The following FLRT2 variants were observed in gnomAD, a reference collection of about 807,000 sequenced individuals.
FLRT2 encodes the protein fibronectin leucine rich transmembrane protein 2.
FLRT2 carries 15 observed loss-of-function variants against 40.0 expected under a neutral mutation model. The observed-to-expected ratio is 0.38, with a 90% CI of 0.25 to 0.58. FLRT2 has a LOEUF of 0.58. Among genes scored for constraint, FLRT2 ranks in the 20% least tolerant of loss-of-function variants. FLRT2 has a pLI of 0.71. For missense variants in FLRT2, 726 were observed against 840.0 expected, an observed-to-expected ratio of 0.86 and a Z score of 1.68; for synonymous variants, 380 against 336.8, an observed-to-expected ratio of 1.13 and a Z score of -1.41.
Position 85,623,151 on chromosome 14 carries a change from T to C in FLRT2, c.1637T>C (p.Leu546Ser), listed in dbSNP as rs1893503186. Residue 546 changes from leucine (L) to serine (S), a missense_variant, in exon 2 of 2, where the codon TTG becomes TCG. Physicochemically the swap from Leu to Ser is moderately radical, Grantham distance 145. Coordinates refer to ENST00000330753, the MANE Select transcript of FLRT2 (RefSeq NM_013231.6). ...SMGSPFLLAG[L>S]IGGAVIFVLV... is the part of the protein sequence containing the mutation. ...GGCTCCCCCTTTCTGCTGGCGGGCT[T>C]GATCGGGGGCGCGGTGATATTTGTG... 1.3e-6 allele frequency: 2 copies of C among 1,593,256 alleles called. No individual in the cohort carries two copies. Among genetic ancestry groups the C allele is most frequent in the East Asian group, 2.2e-5 (1 of 44,626 alleles).
chr14:85,649,612 A>G lies in FLRT2; in HGVS notation c.*26115A>G, dbSNP rs1339169040. On this transcript the variant is annotated 3_prime_UTR_variant, in exon 2 of 2. Transcript: ENST00000330753. ...GAATCAAAACCAGAATGTTGTTTTG[A>G]TCATACTGGTTTTAGGCAAAGGATT... The G allele has an allele frequency of 6.6e-6, 1 of 152,046 alleles. No individual in the cohort carries two copies. The highest frequency in any genetic ancestry group is 2.4e-5 in the African/African-American group (1 of 41,430). The allele number at this position is 152,046 out of a possible 1,614,324, so 9.4% of individuals were successfully genotyped here.
At position 85,637,422 on chromosome 14, in the gene FLRT2, G is replaced by T. The variant is rs961946862; in HGVS notation, c.*13925G>T. ...TGTTTGGTTTCATATTTTTTAAAAG[G>T]TATAACAAAAACACCTACCACAGTG... On this transcript the variant is annotated 3_prime_UTR_variant, in exon 2 of 2. Coordinates refer to ENST00000330753, the MANE Select transcript of FLRT2 (RefSeq NM_013231.6). 2 of 152,122 alleles carry T rather than the reference G, an allele frequency of 1.3e-5. No individual in the cohort carries two copies. Among genetic ancestry groups the T allele is most frequent in the Non-Finnish European group, 2.9e-5 (2 of 68,012 alleles). 9.4% of individuals were successfully genotyped at this position (152,122 alleles called of 1,614,324 possible).
chr14:85,602,446 G>T (rs150881926), intron 1 of FLRT2, among the ~76,000 whole-genome samples: 1 of 152,144 alleles, frequency 6.6e-6, no homozygotes, highest in African/African-American at 2.4e-5. Flanking sequence ...ATTAAAGCAC[G>T]CTGGAGCTCA....
chr14:85,592,256 C>T (rs1374937946), intron 1 of FLRT2, among the ~76,000 whole-genome samples: 2 of 151,952 alleles, frequency 1.3e-5, no homozygotes, highest in African/African-American at 4.8e-5. Context: ...GTGGTAGCTC[C>T]CCTTTCTTCT....
intron 1 of FLRT2, among the ~76,000 whole-genome samples, chr14:85,569,590 C>T (rs192792484): frequency 6.2e-4 from 94 of 152,306 alleles, no homozygotes; most frequent in Middle Eastern, 3.4e-3. Context: ...CTTTAGAGTT[C>T]TCATAAAGTC....
Position 85,621,763 on chromosome 14 carries a change from A to C in FLRT2, c.249A>C (p.Glu83Asp). 1 of 1,614,218 alleles carries C rather than the reference A, an allele frequency of 6.2e-7. No individual in the cohort carries two copies. Among genetic ancestry groups the C allele is most frequent in the Non-Finnish European group, 8.5e-7 (1 of 1,180,036 alleles). Residue 83 changes from glutamate (E) to aspartate (D), a missense_variant, in exon 2 of 2, where the codon GAA becomes GAC. Glu to Asp is a conservative substitution (Grantham distance 45). Coordinates refer to ENST00000330753, the MANE Select transcript of FLRT2 (RefSeq NM_013231.6). ...TTAATAATGCTGGATTTCCTGCAGA[A>C]CTGCACAATGTACAGTCGGTGCACA... ...NQINNAGFPAELHNVQSVHTV... is the reference protein window; with the variant it reads ...NQINNAGFPADLHNVQSVHTV...
At chr14:85,568,913 T>G (rs1204137309) in intron 1 of FLRT2, among the ~76,000 whole-genome samples, 1 of 150,064 alleles carries the variant, frequency 6.7e-6, no homozygotes, top group East Asian at 1.9e-4. Flanking sequence ...TGCCTCTCAC[T>G]CATTCCGTCT....
chr14:85,629,383 G>A lies in FLRT2; in HGVS notation c.*5886G>A, dbSNP rs113897446. The A allele has an allele frequency of 3.9e-5, 6 of 152,192 alleles. No individual in the cohort carries two copies. Among genetic ancestry groups the A allele is most frequent in the South Asian group, 2.1e-4 (1 of 4,826 alleles). 9.4% of individuals were successfully genotyped at this position (152,192 alleles called of 1,614,324 possible). On this transcript the variant is annotated 3_prime_UTR_variant, in exon 2 of 2. Coordinates refer to ENST00000330753, the MANE Select transcript of FLRT2 (RefSeq NM_013231.6). Reference sequence around the variant, plus strand: ...TTTGAAAACTTAGAAATTGTATTTCGTAATTACACATGCAGACATTTAAAT... The same window carrying A: ...TTTGAAAACTTAGAAATTGTATTTCATAATTACACATGCAGACATTTAAAT...
chr14:85,612,315 T>G (rs984763285), intron 1 of FLRT2, among the ~76,000 whole-genome samples: 3 of 152,156 alleles, frequency 2.0e-5, no homozygotes, highest in Admixed American at 6.5e-5. Context: ...AATTCTTCTG[T>G]GTTTGGAGAA....
chr14:85,553,893 G>A lies in FLRT2; in HGVS notation c.-377+23359G>A, dbSNP rs561665120. On this transcript the variant is annotated intron_variant, in intron 1 of 1. Coordinates refer to ENST00000330753, the MANE Select transcript of FLRT2 (RefSeq NM_013231.6). ...TCTTAAAACTGAACTCTGCCTATAAGATGGACACAGTTGTCCAAACTACTT... is the reference window on the plus strand; with the variant it reads ...TCTTAAAACTGAACTCTGCCTATAAAATGGACACAGTTGTCCAAACTACTT... Among the ~76,000 whole-genome samples the A allele has an allele frequency of 2.0e-5, 3 of 152,234 alleles. No homozygotes were observed. In the South Asian group the frequency reaches 6.2e-4, roughly 32 times the overall value.
chr14:85,545,205 TAAC>T (rs140558670), intron 1 of FLRT2, among the ~76,000 whole-genome samples: 2,201 of 152,282 alleles, frequency 0.014, 51 homozygotes, highest in African/African-American at 0.049. Flanking sequence ...AGTCCAGTAA[TAAC>T]AACAGTAACA....
intron 1 of FLRT2, among the ~76,000 whole-genome samples, chr14:85,606,975 C>A (rs1463895235): frequency 2.7e-5 from 4 of 150,826 alleles, no homozygotes; most frequent in African/African-American, 9.8e-5. Context: ...TCCCTCATGA[C>A]ATTTTAATAC....
intron 1 of FLRT2, among the ~76,000 whole-genome samples, chr14:85,554,153 G>A (rs1955419): frequency 0.77 from 116,560 of 152,022 alleles, 45,100 homozygotes; most frequent in Middle Eastern, 0.88. Context: ...GACACTACCC[G>A]TATTTAAGTT....
intron 1 of FLRT2, among the ~76,000 whole-genome samples, chr14:85,532,102 T>A (rs550103904): frequency 3.9e-5 from 6 of 152,364 alleles, no homozygotes; most frequent in African/African-American, 1.2e-4. Flanking sequence ...GGACGAGTAG[T>A]GCGGTCGCGC....
intron 1 of FLRT2, among the ~76,000 whole-genome samples, chr14:85,596,818 C>T (rs1892161032): frequency 6.6e-6 from 1 of 152,098 alleles, no homozygotes; most frequent in South Asian, 2.1e-4. Flanking sequence ...TTTAAGCACA[C>T]TTGAAATGGT....
rs1343104037 is a variant in FLRT2, at chr14:85,634,419, C to A, written c.*10922C>A. 1 of 151,892 alleles carries A rather than the reference C, an allele frequency of 6.6e-6. No individual in the cohort carries two copies. Among genetic ancestry groups the A allele is most frequent in the Non-Finnish European group, 1.5e-5 (1 of 67,996 alleles). The allele number at this position is 151,892 out of a possible 1,614,324, so 9.4% of individuals were successfully genotyped here. A position where few individuals can be genotyped will look rare whatever the true frequency, so the allele number is the denominator to read the frequency against. ...ATTGCTAAGTATTTTACATAACTGC[C>A]CTCATTAGTTGGAATATAGCATGCT... On this transcript the variant is annotated 3_prime_UTR_variant, in exon 2 of 2. Coordinates refer to ENST00000330753, the MANE Select transcript of FLRT2 (RefSeq NM_013231.6).
Position 85,651,755 on chromosome 14 carries a change from G to T in FLRT2, c.*28258G>T, listed in dbSNP as rs1894438685. The T allele has an allele frequency of 6.6e-6, 1 of 151,900 alleles. No homozygotes were observed. Among genetic ancestry groups the T allele is most frequent in the African/African-American group, 2.4e-5 (1 of 41,394 alleles). 9.4% of individuals were successfully genotyped at this position (151,900 alleles called of 1,614,324 possible). On this transcript the variant is annotated 3_prime_UTR_variant, in exon 2 of 2. Transcript: ENST00000330753. ...ATTAAATTGTGTGCCTTACAAGGAG[G>T]TTTTACTTTTTCCCTCAATGGATTT...
intron 1 of FLRT2, among the ~76,000 whole-genome samples, chr14:85,539,031 G>A (rs540890594): frequency 6.6e-6 from 1 of 152,212 alleles, no homozygotes; most frequent in South Asian, 2.1e-4. Context: ...GGAGGTAAGA[G>A]GTTTGTTTGC....
intron 1 of FLRT2, among the ~76,000 whole-genome samples, chr14:85,576,663 G>C (rs1406408963): frequency 6.6e-6 from 1 of 152,160 alleles, no homozygotes. Flanking sequence ...GACCTTTTAG[G>C]GGTAAGTTAA....
Sources: allele counts gnomAD v4.1 joint callset (sites outside exome capture counted in the v4.1 genomes callset), GRCh38; gene constraint gnomAD v4.1.1; transcripts MANE v1.5; gene names NCBI Gene and HGNC (gene_info 2026-07-23, HGNC 2026-07-21).